The following MEOX2 variants were observed in gnomAD, a reference collection of about 807,000 sequenced individuals.
The protein encoded by MEOX2 is homeobox protein MOX-2.
A neutral mutation model predicts 27.0 loss-of-function variants in MEOX2; 11 were observed. That is an observed-to-expected ratio of 0.41 (90% CI 0.26 to 0.68). The LOEUF (loss-of-function observed/expected upper bound fraction) is 0.68. Among genes scored for constraint, MEOX2 ranks in the 30% least tolerant of loss-of-function variants. The pLI is 0.33. For synonymous variants in MEOX2, 189 were observed against 155.4 expected (o/e 1.22, Z -1.61); for missense variants, 436 against 385.4 (o/e 1.13, Z -1.10).
At chr7:15,629,685 C>A (rs1781370935) in intron 1 of MEOX2, among the ~76,000 whole-genome samples, 1 of 151,990 alleles carries the variant, frequency 6.6e-6, no homozygotes, top group Non-Finnish European at 1.5e-5. Context: ...CCATCACAAC[C>A]CTCATTCTCT....
chr7:15,633,875 G>T (rs1384038957), intron 1 of MEOX2, among the ~76,000 whole-genome samples: 2 of 151,508 alleles, frequency 1.3e-5, no homozygotes, highest in Non-Finnish European at 2.9e-5. Flanking sequence ...TTGACTTTAC[G>T]ATCTGATTAT....
At chr7:15,639,538 T>C (rs1781529603) in intron 1 of MEOX2, among the ~76,000 whole-genome samples, 1 of 151,330 alleles carries the variant, frequency 6.6e-6, no homozygotes, top group African/African-American at 2.4e-5. Context: ...GGTCTTAATC[T>C]AAAGGCCAGT....
chr7:15,674,890 T>A (rs769700831), intron 1 of MEOX2, among the ~76,000 whole-genome samples: 3 of 152,172 alleles, frequency 2.0e-5, no homozygotes, highest in Non-Finnish European at 4.4e-5. Context: ...TTTTTCAGCA[T>A]CTTCTGTGCA....
intron 1 of MEOX2, chr7:15,668,315 C>T (rs1224980782): frequency 6.6e-6 from 1 of 152,148 alleles, no homozygotes; most frequent in African/African-American, 2.4e-5. Context: ...ATTTTCTCTT[C>T]CTTATGATTT....
chr7:15,633,030 T>G (rs1179912040), intron 1 of MEOX2, among the ~76,000 whole-genome samples: 1 of 151,940 alleles, frequency 6.6e-6, no homozygotes, highest in Non-Finnish European at 1.5e-5. Flanking sequence ...TATATTAGTT[T>G]AAAGAGGGTA....
At chr7:15,673,480 G>C (rs10046551) in intron 1 of MEOX2, among the ~76,000 whole-genome samples, 112,095 of 151,706 alleles carry the variant, frequency 0.74, 41,633 homozygotes, top group East Asian at 0.88. Flanking sequence ...ATATAAAACA[G>C]TGAAATCTGA....
At position 15,611,555 on chromosome 7, in the gene MEOX2, G is replaced by C. The variant is rs929869459; in HGVS notation, c.*832C>G. 5.9e-5 allele frequency: 9 copies of C among 152,604 alleles called. No individual in the cohort carries two copies. Among genetic ancestry groups the C allele is most frequent in the African/African-American group, 2.2e-4 (9 of 41,450 alleles). The allele number at this position is 152,604 out of a possible 1,614,324, so 9.5% of individuals were successfully genotyped here. A position where few individuals can be genotyped will look rare whatever the true frequency, so the allele number is the denominator to read the frequency against. ...ATTGTTTTAAGCTATAAGATAGGAAGAATTCAGGAGCTAGGTAAGTTTTAT... is the reference window on the plus strand; with the variant it reads ...ATTGTTTTAAGCTATAAGATAGGAACAATTCAGGAGCTAGGTAAGTTTTAT... On this transcript the variant is annotated 3_prime_UTR_variant, in exon 3 of 3. Coordinates refer to ENST00000262041, the MANE Select transcript of MEOX2 (RefSeq NM_005924.5).
At chr7:15,641,287 A>T (rs966215028) in intron 1 of MEOX2, among the ~76,000 whole-genome samples, 2 of 152,084 alleles carry the variant, frequency 1.3e-5, no homozygotes, top group African/African-American at 4.8e-5. Flanking sequence ...TTTGGGTTGC[A>T]TATATGTTTA....
intron 1 of MEOX2, among the ~76,000 whole-genome samples, chr7:15,662,916 G>A (rs1242891419): frequency 6.6e-6 from 1 of 152,132 alleles, no homozygotes; most frequent in African/African-American, 2.4e-5. Flanking sequence ...ATTTTGTTCT[G>A]GAGGTCAAAG....
chr7:15,652,557 A>G (rs947589956), intron 1 of MEOX2, among the ~76,000 whole-genome samples: 1 of 152,072 alleles, frequency 6.6e-6, no homozygotes, highest in Non-Finnish European at 1.5e-5. Flanking sequence ...ATAAATAAAC[A>G]TATAGTACAA....
intron 1 of MEOX2, among the ~76,000 whole-genome samples, chr7:15,683,525 A>G (rs536639459): frequency 5.7e-4 from 86 of 152,206 alleles, no homozygotes; most frequent in African/African-American, 1.9e-3. Context: ...ATCATTTTCA[A>G]TATTGTTTTA....
At position 15,680,765 on chromosome 7, in the gene MEOX2, T is replaced by C. The variant is rs1283473588; in HGVS notation, c.517+5121A>G. 2.6e-5 allele frequency: 4 copies of C among 152,068 alleles called. No individual in the cohort carries two copies. The East Asian group carries it at 5.8e-4, about 22-fold the overall frequency. 9.4% of individuals were successfully genotyped at this position (152,068 alleles called of 1,614,324 possible). On this transcript the variant is annotated intron_variant, in intron 1 of 2. Coordinates refer to ENST00000262041, the MANE Select transcript of MEOX2 (RefSeq NM_005924.5). Reference sequence around the variant, plus strand: ...AGAAACAAATTGTGACTACAAAATGTGTCTTGTTTCTTAAATATGCTAAAT... The same window carrying C: ...AGAAACAAATTGTGACTACAAAATGCGTCTTGTTTCTTAAATATGCTAAAT...
rs920447138 is a variant in MEOX2, at chr7:15,611,772, C to T, written c.*615G>A. ...CTGGCTCTGGTTGTCATTGTGAGTG[C>T]CTATTTTCATCAGCTAATATGAATG... is the stretch of plus-strand genomic sequence containing the variant. On this transcript the variant is annotated 3_prime_UTR_variant, in exon 3 of 3. Transcript: ENST00000262041. 1 of 152,906 alleles carries T rather than the reference C, an allele frequency of 6.5e-6. No individual in the cohort carries two copies. Among genetic ancestry groups the T allele is most frequent in the Non-Finnish European group, 1.5e-5 (1 of 68,376 alleles). The allele number at this position is 152,906 out of a possible 1,614,324, so 9.5% of individuals were successfully genotyped here. A position where few individuals can be genotyped will look rare whatever the true frequency, so the allele number is the denominator to read the frequency against.
At chr7:15,637,542 A>G (rs1781499716) in intron 1 of MEOX2, among the ~76,000 whole-genome samples, 2 of 152,010 alleles carry the variant, frequency 1.3e-5, no homozygotes, top group South Asian at 2.1e-4. Flanking sequence ...GCACACACAC[A>G]CGCACACACA....
At chr7:15,673,050 C>T (rs1400851286) in intron 1 of MEOX2, among the ~76,000 whole-genome samples, 2 of 152,152 alleles carry the variant, frequency 1.3e-5, no homozygotes, top group African/African-American at 4.8e-5. Context: ...GGAACCAAGA[C>T]CTTCAAAACA....
intron 1 of MEOX2, among the ~76,000 whole-genome samples, chr7:15,642,031 C>A (rs967450110): frequency 6.6e-6 from 1 of 152,158 alleles, no homozygotes; most frequent in Non-Finnish European, 1.5e-5. Flanking sequence ...TTTTCTTTAT[C>A]GGTCTTTAAG....
At chr7:15,628,020 G>C (rs1781342832) in intron 1 of MEOX2, among the ~76,000 whole-genome samples, 1 of 151,912 alleles carries the variant, frequency 6.6e-6, no homozygotes, top group African/African-American at 2.4e-5. Context: ...AACTCTTCTA[G>C]GAACCCAAAT....
chr7:15,682,642 G>T (rs1289262733), intron 1 of MEOX2, among the ~76,000 whole-genome samples: 2 of 151,690 alleles, frequency 1.3e-5, no homozygotes, highest in Non-Finnish European at 1.5e-5. Context: ...AAAAGCTAAA[G>T]TTCGATCAAT....
chr7:15,663,547 G>A (rs900810988), intron 1 of MEOX2, among the ~76,000 whole-genome samples: 4 of 151,734 alleles, frequency 2.6e-5, no homozygotes, highest in African/African-American at 9.7e-5. Context: ...CACCATGTTG[G>A]TCAGGCTGGT....
Sources: gnomAD v4.1 joint callset for allele counts (sites outside exome capture counted in the v4.1 genomes callset) on GRCh38, gnomAD v4.1.1 for gene constraint, MANE v1.5 for transcripts, NCBI Gene and HGNC (gene_info 2026-07-23, HGNC 2026-07-21) for gene names.